The following CNTN6 variants were observed in gnomAD, a reference collection of about 807,000 sequenced individuals.
CNTN6 encodes the protein contactin 6, also known as contactin-6.
CNTN6 carries 137 observed loss-of-function variants against 122.8 expected under a neutral mutation model. The ratio of observed to expected loss-of-function variants is 1.12; its 90% CI spans 0.97 to 1.29. CNTN6 has a LOEUF of 1.29. Among genes scored for constraint, CNTN6 ranks in the 50% most tolerant of loss-of-function variants. The pLI is 0.00. For synonymous variants in CNTN6, 570 were observed against 426.0 expected, an observed-to-expected ratio of 1.34 and a Z score of -4.16; for missense variants, 1,634 against 1,223.4, an observed-to-expected ratio of 1.34 and a Z score of -5.01.
chr3:1,278,386 TA>T, intron 4 of CNTN6, 26 bp from the exon 5 acceptor site: 1 of 1,449,100 alleles, frequency 6.9e-7, no homozygotes, highest in Non-Finnish European at 9.5e-7. Context: ...TAACTAATTA[TA>T]AATCTGCTTT....
chr3:1,385,510 C>A, intron 19 of CNTN6, 101 bp from the exon 20 acceptor site: 1 of 852,714 alleles, frequency 1.2e-6, no homozygotes, highest in Non-Finnish European at 1.8e-6. Context: ...CTTCTGTCTT[C>A]TTCCCATATT....
At chr3:1,299,205 A>T (rs949735114) in intron 7 of CNTN6, among the ~76,000 whole-genome samples, 1 of 152,196 alleles carries the variant, frequency 6.6e-6, no homozygotes, top group African/African-American at 2.4e-5. Context: ...GAAAGTGACA[A>T]ATAGGGGCTT....
chr3:1,152,805 T>A lies in CNTN6; in HGVS notation c.55+4742T>A, dbSNP rs115592147. Among the ~76,000 whole-genome samples, 626 of 152,320 alleles carry A rather than the reference T, an allele frequency of 4.1e-3. 8 individuals carry two copies. Among genetic ancestry groups the A allele is most frequent in the African/African-American group, 0.014 (589 of 41,564 alleles). On this transcript the variant is annotated intron_variant, in intron 2 of 22. Coordinates refer to ENST00000446702, the MANE Select transcript of CNTN6 (RefSeq NM_001289080.2). Reference sequence around the variant, plus strand: ...TCTGTTCTTATGAGTTAACCAGGGTTAGAGATAGCACAATTTTATCTGCGG... The same window carrying A: ...TCTGTTCTTATGAGTTAACCAGGGTAAGAGATAGCACAATTTTATCTGCGG...
intron 20 of CNTN6, among the ~76,000 whole-genome samples, chr3:1,387,717 A>C (rs1298510075): frequency 7.2e-5 from 11 of 152,292 alleles, no homozygotes; most frequent in Admixed American, 2.0e-4. Context: ...ACCGTGCGCA[A>C]GCCGAAGCAG....
intron 4 of CNTN6, among the ~76,000 whole-genome samples, chr3:1,242,773 T>A (rs931745970): frequency 2.6e-5 from 4 of 152,010 alleles, no homozygotes; most frequent in African/African-American, 9.7e-5. Flanking sequence ...TTAAAATATC[T>A]CGGCCTAATA....
At chr3:1,308,422 A>G (rs1232278458) in intron 7 of CNTN6, among the ~76,000 whole-genome samples, 1 of 151,732 alleles carries the variant, frequency 6.6e-6, no homozygotes, top group African/African-American at 2.4e-5. Flanking sequence ...GTCTCCAAGG[A>G]TAGGGTCTTG....
At chr3:1,334,149 G>A (rs752180125) in intron 11 of CNTN6, among the ~76,000 whole-genome samples, 1 of 152,114 alleles carries the variant, frequency 6.6e-6, no homozygotes, top group South Asian at 2.1e-4. Context: ...TACAGAGTCC[G>A]AAGACTGCCT....
intron 11 of CNTN6, among the ~76,000 whole-genome samples, chr3:1,350,565 G>A (rs919926752): frequency 4.0e-5 from 6 of 151,750 alleles, no homozygotes; most frequent in African/African-American, 9.7e-5. Flanking sequence ...ATTTCAACTC[G>A]ATTTAGCAAA....
intron 20 of CNTN6, chr3:1,394,274 G>A: frequency 4.6e-6 from 1 of 217,748 alleles, no homozygotes; most frequent in South Asian, 5.6e-5. Context: ...GGAATCAGAG[G>A]ACCAAGATGA....
chr3:1,382,351 CT>C (rs1485202700), intron 17 of CNTN6, among the ~76,000 whole-genome samples: 2 of 152,090 alleles, frequency 1.3e-5, no homozygotes, highest in Non-Finnish European at 2.9e-5. Context: ...AGAATCTGAT[CT>C]TTGTGAGAGT....
chr3:1,242,363 A>G (rs1336354485), intron 4 of CNTN6, among the ~76,000 whole-genome samples: 1 of 150,022 alleles, frequency 6.7e-6, no homozygotes, highest in Non-Finnish European at 1.5e-5. Flanking sequence ...TGGGCACCAC[A>G]GGGTGGATGG....
chr3:1,385,695 G>T lies in CNTN6; in HGVS notation c.2602G>T (p.Gly868Trp), dbSNP rs189552120. 1 of 1,614,020 alleles carries T rather than the reference G, an allele frequency of 6.2e-7. No homozygotes were observed. The highest frequency in any genetic ancestry group is 8.5e-7 in the Non-Finnish European group (1 of 1,179,946). ...SGNVTTKNITGLKANTIYFAS... is the reference protein window; with the variant it reads ...SGNVTTKNITWLKANTIYFAS... ...AAATGTCACAACCAAAAACATCACG[G>T]GGCTGAAAGCTAATACCATCTACTT... Residue 868 changes from glycine (G) to tryptophan (W), a missense_variant, in exon 20 of 23, where the codon GGG becomes TGG. Transcript: ENST00000446702.
At chr3:1,102,003 G>A (rs1291892031) in intron 1 of CNTN6, among the ~76,000 whole-genome samples, 2 of 152,166 alleles carry the variant, frequency 1.3e-5, no homozygotes, top group East Asian at 3.9e-4. Context: ...GAGAATATTG[G>A]ATGGGTCCTT....
rs1333959615 is a variant in CNTN6, at chr3:1,101,694, T to C, written c.-83+8574T>C. On this transcript the variant is annotated intron_variant, in intron 1 of 22. Transcript: ENST00000446702. ...ATGGTTAATGTCAATTGTATATGTC[T>C]TTCCATTGGCTCCACAAACATTACT... Among the ~76,000 whole-genome samples the C allele has an allele frequency of 3.3e-5, 5 of 152,210 alleles. 1 individual carries two copies. The South Asian group carries it at 1.0e-3, about 32-fold the overall frequency.
chr3:1,290,328 A>C (rs1428797994), intron 5 of CNTN6, among the ~76,000 whole-genome samples: 1 of 152,262 alleles, frequency 6.6e-6, no homozygotes, highest in East Asian at 1.9e-4. Flanking sequence ...GACGCAGGAC[A>C]GGAAATGTTA....
chr3:1,313,557 T>C (rs907065293), intron 7 of CNTN6, among the ~76,000 whole-genome samples: 1 of 152,128 alleles, frequency 6.6e-6, no homozygotes, highest in Non-Finnish European at 1.5e-5. Flanking sequence ...AGGTAACTTG[T>C]ATTCAGCTCT....
chr3:1,300,549 G>T (rs894009376), intron 7 of CNTN6, among the ~76,000 whole-genome samples: 23 of 115,142 alleles, frequency 2.0e-4, no homozygotes, highest in African/African-American at 6.7e-4. Context: ...GAGAAAGAAA[G>T]AGAAAGAAAA....
At chr3:1,205,735 G>T (rs1399342639) in intron 2 of CNTN6, among the ~76,000 whole-genome samples, 1 of 152,176 alleles carries the variant, frequency 6.6e-6, no homozygotes, top group African/African-American at 2.4e-5. Context: ...CCAGTAAAAT[G>T]TTGCAACTTG....
intron 7 of CNTN6, among the ~76,000 whole-genome samples, chr3:1,310,666 T>C (rs1259062117): frequency 6.6e-6 from 1 of 152,130 alleles, no homozygotes; most frequent in Non-Finnish European, 1.5e-5. Context: ...TTCCATTTTC[T>C]AGAAGAGATT....
Sources: gnomAD v4.1 joint callset for allele counts (sites outside exome capture counted in the v4.1 genomes callset) on GRCh38, gnomAD v4.1.1 for gene constraint, MANE v1.5 for transcripts, NCBI Gene and HGNC (gene_info 2026-07-23, HGNC 2026-07-21) for gene names.